Variants in BRWD1 observed in about 807,000 individuals in gnomAD.
BRWD1 encodes the protein bromodomain and WD repeat-containing protein 1.
In BRWD1, 82 loss-of-function variants were observed where a neutral mutation model predicts 251.2. The observed-to-expected ratio is 0.33, with a 90% CI of 0.27 to 0.39. The LOEUF is 0.39. Ranked by LOEUF, BRWD1 falls within the 10% of genes least tolerant of loss-of-function variation. The probability of loss-of-function intolerance (pLI) is 1.00; values close to 1 mark genes in which losing one functional copy is unlikely to be tolerated. For synonymous variants in BRWD1, 918 were observed against 902.8 expected (o/e 1.02, Z -0.30); for missense variants, 2,233 against 2,711.6 (o/e 0.82, Z 3.92).
Position 39,215,220 on chromosome 21 carries a change from T to A in BRWD1, c.3785+17A>T. 1 of 1,608,034 alleles carries A rather than the reference T, an allele frequency of 6.2e-7. No individual in the cohort carries two copies. Among genetic ancestry groups the A allele is most frequent in the Non-Finnish European group, 8.5e-7 (1 of 1,175,052 alleles). On this transcript the variant is annotated intron_variant, in intron 32 of 40. Transcript: ENST00000342449. ...AATATGCAGTCACTTTTACACAACA[T>A]CTATGAAATTACTTACTTGATAAAT...
At position 39,199,552 on chromosome 21, in the gene BRWD1, C is replaced by T; in HGVS notation, c.4864G>A (p.Ala1622Thr). 1 of 1,614,164 alleles carries T rather than the reference C, an allele frequency of 6.2e-7. No individual in the cohort carries two copies. The highest frequency in any genetic ancestry group is 1.3e-5 in the African/African-American group (1 of 75,046). ...LETGEILKAR[A>T]GNNRKVLRKC... ...CTTAAGACTTTTCGGTTATTTCCAG[C>T]TCTGGCTTTTAGAATTTCACCAGTC... The change falls in exon 40 of 41, where the codon GCT becomes ACT. Residue 1622 changes from alanine to threonine, a missense_variant. By Grantham distance (58) the Ala-to-Thr change is moderately conservative. Coordinates refer to ENST00000342449, the MANE Select transcript of BRWD1 (RefSeq NM_033656.4).
At position 39,195,972 on chromosome 21, in the gene BRWD1, T is replaced by C. The variant is rs2031791021; in HGVS notation, c.*287A>G. ...TGCTCATTGGTTTTGATAACCAGGA[T>C]GTCTAGTGTTTAACATATTTCAAAC... On this transcript the variant is annotated 3_prime_UTR_variant, in exon 41 of 41. Coordinates refer to ENST00000342449, the MANE Select transcript of BRWD1 (RefSeq NM_033656.4). 1 of 1,071,160 alleles carries C rather than the reference T, an allele frequency of 9.3e-7. No homozygotes were observed. Among genetic ancestry groups the C allele is most frequent in the Non-Finnish European group, 1.1e-6 (1 of 886,574 alleles). 66.4% of individuals were successfully genotyped at this position (1,071,160 alleles called of 1,614,324 possible). A position where few individuals can be genotyped will look rare whatever the true frequency, so the allele number is the denominator to read the frequency against.
chr21:39,300,135 T>A (rs1236387707), intron 4 of BRWD1, among the ~76,000 whole-genome samples: 1 of 152,138 alleles, frequency 6.6e-6, no homozygotes, highest in Non-Finnish European at 1.5e-5. Context: ...CTGATTAGAA[T>A]CCTAAGGCGC....
chr21:39,228,413 T>A, intron 27 of BRWD1, 87 bp downstream of exon 27: 1 of 841,974 alleles, frequency 1.2e-6, no homozygotes, highest in Non-Finnish European at 2.0e-6. Flanking sequence ...GTATATACTA[T>A]AATTAAGAGT....
rs1391391873 is a variant in BRWD1, at chr21:39,202,598, T to C, written c.4365-53A>G. The stretch of plus-strand genomic sequence containing the variant: ...AGTATTTAACAAAATACAAAGATAA[T>C]TGGTTCACAGAGAATGACTAAATAG... On this transcript the variant is annotated intron_variant, in intron 37 of 40. Coordinates refer to ENST00000342449, the MANE Select transcript of BRWD1 (RefSeq NM_033656.4). The C allele has an allele frequency of 5.1e-5, 66 of 1,304,236 alleles. 1 individual carries two copies. The highest frequency in any genetic ancestry group is 1.2e-4 in the South Asian group (9 of 75,644). The allele number at this position is 1,304,236 out of a possible 1,614,324, so 80.8% of individuals were successfully genotyped here.
Position 39,191,123 on chromosome 21 carries a change from G to T in BRWD1, c.*5136C>A, listed in dbSNP as rs2146440224. On this transcript the variant is annotated 3_prime_UTR_variant, in exon 41 of 41. Transcript: ENST00000342449. Reference sequence around the variant, plus strand: ...TTAAGAGCATTTCACACTAAATGCAGGCAGAATCAGAAGTAAATACTTGTT... The same window carrying T: ...TTAAGAGCATTTCACACTAAATGCATGCAGAATCAGAAGTAAATACTTGTT... 1.0e-6 allele frequency: 1 copy of T among 985,310 alleles called. No homozygotes were observed. Among genetic ancestry groups the T allele is most frequent in the East Asian group, 1.1e-4 (1 of 8,812 alleles). 61.0% of individuals were successfully genotyped at this position (985,310 alleles called of 1,614,324 possible).
intron 8 of BRWD1, among the ~76,000 whole-genome samples, chr21:39,292,675 G>A (rs1435992945): frequency 6.6e-6 from 1 of 152,178 alleles, no homozygotes; most frequent in East Asian, 1.9e-4. Flanking sequence ...ACTCCAACAG[G>A]ATACAATGGG....
Position 39,210,138 on chromosome 21 carries a change from C to A in BRWD1, c.4054G>T (p.Asp1352Tyr). The change falls in exon 36 of 41, where the codon GAT becomes TAT. Residue 1352 changes from aspartate (D) to tyrosine (Y), a missense_variant. Physicochemically the swap from Asp to Tyr is radical, Grantham distance 160. Around this residue, in one of 12 missense-constraint regions of BRWD1, gnomAD observed 69 missense variants for 101.6 expected, o/e 0.68. Transcript: ENST00000342449. ...VDLVEYPDYR[D>Y]IIDTPMDFGT... is the part of the protein sequence containing the mutation. ...AAATCCATTGGGGTATCTATAATAT[C>A]TCTGTAGTCCTAGGTTTTAAACACA... 1 of 1,606,680 alleles carries A rather than the reference C, an allele frequency of 6.2e-7. No individual in the cohort carries two copies. The highest frequency in any genetic ancestry group is 8.5e-7 in the Non-Finnish European group (1 of 1,175,374).
At chr21:39,270,454 A>G (rs1303574798) in intron 13 of BRWD1, 21 bp from the exon 14 acceptor site, 6 of 1,574,664 alleles carry the variant, frequency 3.8e-6, no homozygotes, top group South Asian at 1.2e-5. Context: ...AATACACAAC[A>G]TGTAAACTTA....
At chr21:39,197,457 C>A (rs769982455) in intron 40 of BRWD1, 42 bp from the exon 41 acceptor site, 1 of 1,449,224 alleles carries the variant, frequency 6.9e-7, no homozygotes, top group Non-Finnish European at 9.3e-7. Flanking sequence ...TTTTGTAAGT[C>A]TAAAGGAATT....
chr21:39,243,903 T>C, intron 21 of BRWD1, among the ~76,000 whole-genome samples: 1 of 152,134 alleles, frequency 6.6e-6, no homozygotes, highest in Non-Finnish European at 1.5e-5. Flanking sequence ...CACAAAGGAA[T>C]TTTTATTATT....
chr21:39,313,942 G>A (rs541812886), upstream of BRWD1: 784 of 340,990 alleles, frequency 2.3e-3, 6 homozygotes, highest in African/African-American at 0.017. Flanking sequence ...CAGCGGGCGG[G>A]TGCCGGGGGC....
rs1308476441 is a variant in BRWD1, at chr21:39,191,652, A to C, written c.*4607T>G. The C allele has an allele frequency of 4.1e-6, 4 of 983,510 alleles. No individual in the cohort carries two copies. The highest frequency in any genetic ancestry group is 2.4e-6 in the Non-Finnish European group (2 of 828,364). The allele number at this position is 983,510 out of a possible 1,614,324, so 60.9% of individuals were successfully genotyped here. Reference sequence around the variant, plus strand: ...GAAAATTAACTTGAATATATCAAAAATTAAAGATCCCTTTAACTTTTACCC... The same window carrying C: ...GAAAATTAACTTGAATATATCAAAACTTAAAGATCCCTTTAACTTTTACCC... On this transcript the variant is annotated 3_prime_UTR_variant, in exon 41 of 41. Transcript: ENST00000342449.
chr21:39,264,708 A>T (rs2034865483), intron 16 of BRWD1, 23 bp from the exon 17 acceptor site: 1 of 1,558,818 alleles, frequency 6.4e-7, no homozygotes, highest in Non-Finnish European at 8.7e-7. Context: ...AGTTCACAGG[A>T]TGACATTTTA....
upstream of BRWD1, among the ~76,000 whole-genome samples, chr21:39,318,637 T>TTTTTG (rs771905413): frequency 1.6e-3 from 249 of 152,264 alleles, no homozygotes; most frequent in Admixed American, 4.9e-3. Context: ...CCTGGGCTGT[T>TTTTTG]TTTTGTTTTG....
rs1232039610 is a variant in BRWD1, at chr21:39,298,507, C to G, written c.274G>C (p.Glu92Gln). ...CQRIGPMLDK[E>Q]IPPSISRVTS... Reference sequence around the variant, plus strand: ...ACTCTTGAAATACTGGGTGGAATTTCTTTATCCAACATAGGACCGATGCGC... The same window carrying G: ...ACTCTTGAAATACTGGGTGGAATTTGTTTATCCAACATAGGACCGATGCGC... Residue 92 changes from glutamate to glutamine, a missense_variant, in exon 5 of 41, where the codon GAA (glutamate) becomes CAA (glutamine). Physicochemically the swap from Glu to Gln is conservative, Grantham distance 29 (BLOSUM62 2). This residue lies in a region of BRWD1 where 185 missense variants were observed against 260.6 expected (regional missense o/e 0.71). Coordinates refer to ENST00000342449, the MANE Select transcript of BRWD1 (RefSeq NM_033656.4). 2 of 1,611,218 alleles carry G rather than the reference C, an allele frequency of 1.2e-6. No homozygotes were observed. Among genetic ancestry groups the G allele is most frequent in the Non-Finnish European group, 1.7e-6 (2 of 1,179,246 alleles).
At chr21:39,275,054 T>A (rs1346905735) in intron 12 of BRWD1, among the ~76,000 whole-genome samples, 2 of 149,348 alleles carry the variant, frequency 1.3e-5, no homozygotes, top group Non-Finnish European at 3.0e-5. Flanking sequence ...CAAAAAAAAA[T>A]AATTAAATAA....
chr21:39,294,677 T>C (rs911904953), intron 7 of BRWD1, among the ~76,000 whole-genome samples: 4 of 149,094 alleles, frequency 2.7e-5, no homozygotes, highest in African/African-American at 7.4e-5. Flanking sequence ...AAAAAGTCTA[T>C]TCACATCAAG....
intron 38 of BRWD1, among the ~76,000 whole-genome samples, chr21:39,201,833 A>G (rs564337065): frequency 2.3e-4 from 35 of 152,234 alleles, no homozygotes; most frequent in Non-Finnish European, 4.3e-4. Context: ...TGATTCAATT[A>G]TAACAGTAAA....
Sources: allele counts gnomAD v4.1 joint callset (sites outside exome capture counted in the v4.1 genomes callset), GRCh38; gene constraint gnomAD v4.1.1; regional missense constraint gnomAD v4.1.1; transcripts MANE v1.5; gene names NCBI Gene and HGNC (gene_info 2026-07-23, HGNC 2026-07-21).